RBFOX3: variants seen among roughly 807,000 people sequenced by gnomAD.
RBFOX3 encodes RNA binding fox-1 homolog 3.
In RBFOX3, 17 loss-of-function variants were observed where a neutral mutation model predicts 48.7. That is an observed-to-expected ratio of 0.35 (90% CI 0.24 to 0.52). The LOEUF is 0.52. Ranked by LOEUF, RBFOX3 falls within the 20% of genes least tolerant of loss-of-function variation. The pLI is 0.94. For missense variants in RBFOX3, 382 were observed against 497.5 expected, an observed-to-expected ratio of 0.77 and a Z score of 2.21; for synonymous variants, 212 against 209.5, an observed-to-expected ratio of 1.01 and a Z score of -0.10.
the RBFOX3 span, among the ~76,000 whole-genome samples, chr17:79,617,364 C>A: frequency 6.6e-6 from 1 of 152,078 alleles, no homozygotes; most frequent in Admixed American, 6.5e-5. Context: ...CCCTCGTTCC[C>A]CTTCCATCCT....
the RBFOX3 span, among the ~76,000 whole-genome samples, chr17:79,656,650 A>AG: frequency 8.1e-3 from 1,071 of 132,732 alleles, 28 homozygotes; most frequent in African/African-American, 0.014. Flanking sequence ...AAGAGAAGAA[A>AG]GAAAGGAAGA....
chr17:79,468,828 A>C (rs1472170494), intron 2 of RBFOX3, among the ~76,000 whole-genome samples: 7 of 150,798 alleles, frequency 4.6e-5, no homozygotes, highest in African/African-American at 1.7e-4. Flanking sequence ...AGGAGGATGG[A>C]TGGATGGATG....
At chr17:79,328,543 C>T (rs1489787049) in intron 2 of RBFOX3, among the ~76,000 whole-genome samples, 1 of 152,136 alleles carries the variant, frequency 6.6e-6, no homozygotes, top group African/African-American at 2.4e-5. Flanking sequence ...ACCCATGACC[C>T]GTGGCCACCG....
At chr17:79,411,646 A>G (rs2064361001) in intron 2 of RBFOX3, among the ~76,000 whole-genome samples, 1 of 152,168 alleles carries the variant, frequency 6.6e-6, no homozygotes. Flanking sequence ...GTGAGGCAGG[A>G]CCAGAGCCTC....
intron 2 of RBFOX3, among the ~76,000 whole-genome samples, chr17:79,373,769 G>A (rs1162878116): frequency 6.6e-6 from 1 of 152,192 alleles, no homozygotes; most frequent in Non-Finnish European, 1.5e-5. Context: ...CACCCTGGAA[G>A]GACACAACCT....
At chr17:79,130,066 C>T (rs1439018534) in intron 4 of RBFOX3, among the ~76,000 whole-genome samples, 1 of 152,170 alleles carries the variant, frequency 6.6e-6, no homozygotes, top group Non-Finnish European at 1.5e-5. Context: ...GTGCCCAGGC[C>T]TGGAGCAGGA....
At chr17:79,543,135 G>A (rs1362055686) in intron 1 of RBFOX3, among the ~76,000 whole-genome samples, 1 of 152,088 alleles carries the variant, frequency 6.6e-6, no homozygotes, top group Non-Finnish European at 1.5e-5. Flanking sequence ...AACGGTAAAG[G>A]GGAATATGTC....
intron 2 of RBFOX3, among the ~76,000 whole-genome samples, chr17:79,356,367 T>TTTTTGAGGTTTTTG (rs1479725765): frequency 1.3e-5 from 1 of 76,998 alleles, no homozygotes; most frequent in African/African-American, 4.7e-5. Context: ...TTTTTTTTTT[T>TTTTTGAGGTTTTTG]TTTTTTTTTT....
intron 1 of RBFOX3, among the ~76,000 whole-genome samples, chr17:79,549,381 C>CT (rs1555792915): frequency 6.6e-6 from 1 of 152,242 alleles, no homozygotes; most frequent in East Asian, 1.9e-4. Flanking sequence ...GATGGCCTCC[C>CT]TTTTTCCACT....
At chr17:79,291,625 C>T (rs902067999) in intron 3 of RBFOX3, among the ~76,000 whole-genome samples, 10 of 152,278 alleles carry the variant, frequency 6.6e-5, no homozygotes, top group African/African-American at 9.6e-5. Flanking sequence ...TCTGCAGAGC[C>T]GGAATGGCTC....
chr17:79,458,781 AG>A (rs797040783), intron 2 of RBFOX3, among the ~76,000 whole-genome samples: 2 of 152,114 alleles, frequency 1.3e-5, no homozygotes, highest in African/African-American at 4.8e-5. Flanking sequence ...ATAAGGAGCG[AG>A]ATGTTGAAGC....
chr17:79,151,332 C>G (rs1457478897), intron 4 of RBFOX3, among the ~76,000 whole-genome samples: 1 of 147,150 alleles, frequency 6.8e-6, no homozygotes, highest in Admixed American at 6.8e-5. Flanking sequence ...GTGGTCCCGA[C>G]GGCTCTGGGT....
intron 4 of RBFOX3, among the ~76,000 whole-genome samples, chr17:79,210,229 C>A (rs1384139127): frequency 6.6e-6 from 1 of 152,130 alleles, no homozygotes; most frequent in Non-Finnish European, 1.5e-5. Context: ...AGGAGGGAGG[C>A]TATTCTTTTG....
intron 3 of RBFOX3, among the ~76,000 whole-genome samples, chr17:79,302,183 C>T (rs183400416): frequency 8.5e-5 from 13 of 152,268 alleles, no homozygotes; most frequent in African/African-American, 3.1e-4. Flanking sequence ...CACTGCATGC[C>T]GGGCACTGTG....
At chr17:79,215,446 G>A (rs542965649) in intron 4 of RBFOX3, among the ~76,000 whole-genome samples, 3 of 152,244 alleles carry the variant, frequency 2.0e-5, no homozygotes, top group Admixed American at 6.5e-5. Flanking sequence ...CTGTCAACAC[G>A]CTCCCTCTCT....
chr17:79,381,245 G>A (rs1410335608), intron 2 of RBFOX3, among the ~76,000 whole-genome samples: 3 of 129,000 alleles, frequency 2.3e-5, no homozygotes, highest in Non-Finnish European at 4.8e-5. Flanking sequence ...GGATGACAGA[G>A]CAAGACTCTG....
At chr17:79,108,660 G>T (rs902571173) in intron 5 of RBFOX3, among the ~76,000 whole-genome samples, 4 of 152,230 alleles carry the variant, frequency 2.6e-5, no homozygotes, top group African/African-American at 4.8e-5. Context: ...CCCCCAGCAC[G>T]GCCACCCTGG....
intron 2 of RBFOX3, among the ~76,000 whole-genome samples, chr17:79,383,139 C>T (rs1367571580): frequency 6.6e-6 from 1 of 152,044 alleles, no homozygotes; most frequent in Non-Finnish European, 1.5e-5. Flanking sequence ...TTATTGTCCT[C>T]TTGAGATCAC....
At chr17:79,448,760 G>C (rs1184075251) in intron 2 of RBFOX3, among the ~76,000 whole-genome samples, 3 of 152,160 alleles carry the variant, frequency 2.0e-5, no homozygotes, top group Non-Finnish European at 2.9e-5. Flanking sequence ...ACTTGCAGGA[G>C]CTCCCAGAGC....
Sources: allele counts gnomAD v4.1 joint callset (sites outside exome capture counted in the v4.1 genomes callset), GRCh38; gene constraint gnomAD v4.1.1; transcripts MANE v1.5; gene names NCBI Gene and HGNC (gene_info 2026-07-23, HGNC 2026-07-21).